Variants in BLK observed in about 807,000 individuals in gnomAD.
BLK encodes BLK proto-oncogene, Src family tyrosine kinase.
Under a neutral mutation model 61.8 loss-of-function variants are expected in BLK, and 64 were observed. The ratio of observed to expected loss-of-function variants is 1.03; its 90% CI spans 0.85 to 1.27. The LOEUF is 1.27. Among genes scored for constraint, BLK ranks in the 50% most tolerant of loss-of-function variants. The pLI, the probability that BLK is intolerant of heterozygous loss-of-function variation, is 0.00. For synonymous variants in BLK, 351 were observed against 272.0 expected (o/e 1.29, Z -2.86); for missense variants, 853 against 660.5 (o/e 1.29, Z -3.19).
At chr8:11,561,256 C>T (rs368588162) in intron 10 of BLK, 46 bp from the exon 11 acceptor site, 17 of 1,595,170 alleles carry the variant, frequency 1.1e-5, no homozygotes, top group South Asian at 2.3e-5. Flanking sequence ...TCGGTCTTGG[C>T]GTGGAGGCCC....
At chr8:11,525,545 C>G (rs1326233824) in intron 1 of BLK, among the ~76,000 whole-genome samples, 1 of 152,160 alleles carries the variant, frequency 6.6e-6, no homozygotes, top group Admixed American at 6.5e-5. Context: ...GTTCAGATCT[C>G]TTTTATCCTT....
At chr8:11,532,515 T>C (rs1278480198) in intron 1 of BLK, among the ~76,000 whole-genome samples, 6 of 152,132 alleles carry the variant, frequency 3.9e-5, no homozygotes, top group Non-Finnish European at 7.3e-5. Flanking sequence ...CTGGCCTCTC[T>C]TTTTTCTTAA....
chr8:11,538,544 G>A (rs748995033), intron 1 of BLK, among the ~76,000 whole-genome samples: 17 of 152,170 alleles, frequency 1.1e-4, no homozygotes, highest in Non-Finnish European at 2.9e-5. Context: ...CTTTCTGTCC[G>A]GTTCTTTGTT....
chr8:11,505,577 TC>T (rs1315877353), intron 1 of BLK, among the ~76,000 whole-genome samples: 1 of 152,184 alleles, frequency 6.6e-6, no homozygotes, highest in African/African-American at 2.4e-5. Context: ...CCCTCCCCCT[TC>T]TAGACTGGGC....
At position 11,543,627 on chromosome 8, in the gene BLK, G is replaced by A. The variant is rs781283896; in HGVS notation, c.123+280G>A. Among the ~76,000 whole-genome samples, 10 of 152,124 alleles carry A rather than the reference G, an allele frequency of 6.6e-5. No individual in the cohort carries two copies. In the South Asian group the frequency reaches 8.3e-4, roughly 13 times the overall value. Reference sequence around the variant, plus strand: ...GAGAGGGTGTCGTAAGGAAGGATCCGGGTATCTAGCTGCAGCTACTACCTC... The same window carrying A: ...GAGAGGGTGTCGTAAGGAAGGATCCAGGTATCTAGCTGCAGCTACTACCTC... On this transcript the variant is annotated intron_variant, in intron 2 of 12. Transcript: ENST00000259089.
intron 1 of BLK, among the ~76,000 whole-genome samples, chr8:11,515,006 C>G (rs537604302): frequency 6.6e-6 from 1 of 152,256 alleles, no homozygotes; most frequent in South Asian, 2.1e-4. Flanking sequence ...TTCTGGAGTC[C>G]TCCCCTCCAC....
At chr8:11,537,320 C>T (rs149743366) in intron 1 of BLK, among the ~76,000 whole-genome samples, 2 of 152,160 alleles carry the variant, frequency 1.3e-5, no homozygotes, top group Admixed American at 6.5e-5. Context: ...GATCTCATGC[C>T]GGCAGCTAGC....
At chr8:11,511,914 G>C (rs565143995) in intron 1 of BLK, among the ~76,000 whole-genome samples, 1 of 152,094 alleles carries the variant, frequency 6.6e-6, no homozygotes, top group Non-Finnish European at 1.5e-5. Flanking sequence ...TACTCTTTCT[G>C]GCAGTGGATG....
chr8:11,531,818 C>T (rs930793982), intron 1 of BLK, among the ~76,000 whole-genome samples: 1 of 152,152 alleles, frequency 6.6e-6, no homozygotes, highest in Non-Finnish European at 1.5e-5. Context: ...CTTCCTTCTG[C>T]AGCACCCAAT....
chr8:11,553,035 CAT>C (rs1179654873), intron 6 of BLK: 35 of 165,644 alleles, frequency 2.1e-4, no homozygotes, highest in African/African-American at 2.6e-4. Flanking sequence ...CACACGCACA[CAT>C]ATACATGTGC....
intron 1 of BLK, among the ~76,000 whole-genome samples, chr8:11,495,037 TTTTA>T (rs1328217733): frequency 6.6e-6 from 1 of 152,178 alleles, no homozygotes; most frequent in Admixed American, 6.5e-5. Flanking sequence ...GTTGCTTTCG[TTTTA>T]TTTGTTTGTT....
intron 1 of BLK, among the ~76,000 whole-genome samples, chr8:11,522,685 A>G (rs901936056): frequency 6.6e-6 from 1 of 152,178 alleles, no homozygotes. Flanking sequence ...TAAAAAAAAA[A>G]AAAGCACTGG....
At chr8:11,558,187 G>C (rs1052132846) in intron 10 of BLK, 149 bp downstream of exon 10, 2 of 780,048 alleles carry the variant, frequency 2.6e-6, no homozygotes, top group East Asian at 2.7e-5. Flanking sequence ...ATATCCCCAA[G>C]GTCACCCACT....
intron 1 of BLK, among the ~76,000 whole-genome samples, chr8:11,531,027 T>G (rs1799865346): frequency 6.6e-6 from 1 of 152,182 alleles, no homozygotes; most frequent in Non-Finnish European, 1.5e-5. Flanking sequence ...GTCATCTAAT[T>G]TTAGCATCTG....
At chr8:11,527,603 G>A (rs1358073614) in intron 1 of BLK, among the ~76,000 whole-genome samples, 1 of 151,938 alleles carries the variant, frequency 6.6e-6, no homozygotes, top group Non-Finnish European at 1.5e-5. Context: ...AATTTGGTGG[G>A]CAGGGTAATA....
At chr8:11,559,635 T>C (rs36048422) in intron 10 of BLK, 158,765 of 397,342 alleles carry the variant, frequency 0.4, 34,689 homozygotes, top group Non-Finnish European at 0.49. Flanking sequence ...CAGACCTTTC[T>C]TCCAAGGCCA....
chr8:11,557,883 C>T, intron 9 of BLK, 79 bp from the exon 10 acceptor site: 9 of 1,316,034 alleles, frequency 6.8e-6, no homozygotes, highest in Non-Finnish European at 9.9e-6. Flanking sequence ...CATGGGGAGC[C>T]ACTCACACCA....
chr8:11,550,405 G>A (rs2117499368), intron 6 of BLK, 143 bp downstream of exon 6: 3 of 800,124 alleles, frequency 3.7e-6, no homozygotes, highest in Non-Finnish European at 6.3e-6. Context: ...CCCAATTCAG[G>A]CCCTGCCCGG....
At chr8:11,527,218 G>C (rs1402767813) in intron 1 of BLK, among the ~76,000 whole-genome samples, 2 of 152,024 alleles carry the variant, frequency 1.3e-5, no homozygotes, top group Non-Finnish European at 2.9e-5. Flanking sequence ...CCCTTCAATG[G>C]CTTGCAATGC....
Sources: allele counts gnomAD v4.1 joint callset (sites outside exome capture counted in the v4.1 genomes callset), GRCh38; gene constraint gnomAD v4.1.1; transcripts MANE v1.5; gene names NCBI Gene and HGNC (gene_info 2026-07-23, HGNC 2026-07-21).